WDR72: variants seen among roughly 807,000 people sequenced by gnomAD.
WDR72 encodes the protein WD repeat-containing protein 72.
WDR72 carries 120 observed loss-of-function variants against 124.2 expected under a neutral mutation model. The ratio of observed to expected loss-of-function variants is 0.97; its 90% confidence interval spans 0.83 to 1.12. The LOEUF (loss-of-function observed/expected upper bound fraction) is 1.12, where lower values mean the gene tolerates loss of function less well. Ranked by LOEUF, WDR72 falls within the 50% of genes most tolerant of loss-of-function variation. The pLI is 0.00. For missense variants in WDR72, 1,387 were observed against 1,278.8 expected (o/e 1.08, Z -1.29); for synonymous variants, 452 against 441.7 (o/e 1.02, Z -0.29).
At chr15:53,599,090 C>A (rs1035882236) in intron 17 of WDR72, among the ~76,000 whole-genome samples, 3 of 151,946 alleles carry the variant, frequency 2.0e-5, no homozygotes, top group African/African-American at 7.3e-5. Flanking sequence ...CACCCCTGCA[C>A]TCCGGCCTGG....
intron 14 of WDR72, among the ~76,000 whole-genome samples, chr15:53,630,404 C>G (rs1174842320): frequency 6.6e-6 from 1 of 152,048 alleles, no homozygotes; most frequent in Admixed American, 6.5e-5. Flanking sequence ...ACAGAGATAT[C>G]ACAAGATAAG....
rs578220912 is a variant in WDR72 at position 53,667,144 on chromosome 15, T to G, written c.1766-1376A>C. 1.1e-4 allele frequency among the ~76,000 whole-genome samples: 16 copies of G among 152,082 alleles called. No homozygotes were observed. The South Asian group carries it at 3.1e-3, about 30-fold the overall frequency. On this transcript the variant is annotated intron_variant, in intron 13 of 19. Transcript: ENST00000360509. ...AGGTGGGCAGACTGCCTGAGTCCAG[T>G]AGTTTGAAACCAGCCTGGGCAACAT...
At chr15:53,683,714 C>T (rs2016484351) in intron 13 of WDR72, among the ~76,000 whole-genome samples, 1 of 151,764 alleles carries the variant, frequency 6.6e-6, no homozygotes, top group Non-Finnish European at 1.5e-5. Context: ...AAGAACCACA[C>T]AGGAGAGAGA....
At chr15:53,740,511 T>C (rs2140878607) in intron 1 of WDR72, among the ~76,000 whole-genome samples, 1 of 152,212 alleles carries the variant, frequency 6.6e-6, no homozygotes, top group South Asian at 2.1e-4. Flanking sequence ...GGTTTCACCG[T>C]GGTCTCAATC....
chr15:53,528,386 C>T (rs972242944), intron 18 of WDR72, among the ~76,000 whole-genome samples: 5 of 151,992 alleles, frequency 3.3e-5, no homozygotes, highest in African/African-American at 1.2e-4. Context: ...TGTAGAAATG[C>T]CCCCAATTAA....
At chr15:53,759,072 G>GT (rs1338314530) in intron 1 of WDR72, among the ~76,000 whole-genome samples, 2 of 152,108 alleles carry the variant, frequency 1.3e-5, no homozygotes, top group Non-Finnish European at 2.9e-5. Flanking sequence ...AGCAAGGAAA[G>GT]TTTCGCCAGC....
At chr15:53,689,786 A>G (rs2016774929) in intron 13 of WDR72, among the ~76,000 whole-genome samples, 1 of 152,070 alleles carries the variant, frequency 6.6e-6, no homozygotes, top group African/African-American at 2.4e-5. Flanking sequence ...TTGCGGCATT[A>G]TTCACAATAG....
At chr15:53,641,649 C>T (rs947967038) in intron 14 of WDR72, among the ~76,000 whole-genome samples, 3 of 151,728 alleles carry the variant, frequency 2.0e-5, no homozygotes, top group African/African-American at 7.3e-5. Flanking sequence ...ATTTTTGTGT[C>T]TTTTAGTAAT....
chr15:53,574,161 A>C (rs1894669785), intron 18 of WDR72, among the ~76,000 whole-genome samples: 2 of 152,338 alleles, frequency 1.3e-5, no homozygotes, highest in South Asian at 4.1e-4. Context: ...CCTTCCAAAG[A>C]CATTTTAAGT....
rs76470569 is a variant in WDR72 at position 53,560,389 on chromosome 15, A to T, written c.3148+36690T>A. On this transcript the variant is annotated intron_variant, in intron 18 of 19. Coordinates refer to ENST00000360509, the MANE Select transcript of WDR72 (RefSeq NM_182758.4). The stretch of plus-strand genomic sequence containing the variant: ...TAAAGGACAGAATACCGCACTGGTT[A>T]GAAGCTCAGATTCTTTACTTGTCCT... 5.5e-3 allele frequency among the ~76,000 whole-genome samples: 842 copies of T among 152,032 alleles called. 5 individuals are homozygous for T. The highest frequency in any genetic ancestry group is 8.1e-3 in the Non-Finnish European group (549 of 67,898).
At chr15:53,642,598 A>G (rs2014895217) in intron 14 of WDR72, among the ~76,000 whole-genome samples, 1 of 151,972 alleles carries the variant, frequency 6.6e-6, no homozygotes, top group Admixed American at 6.6e-5. Context: ...TCAAGCATTC[A>G]CTTCCTAAAA....
At chr15:53,718,781 A>T (rs551500815) in intron 3 of WDR72, among the ~76,000 whole-genome samples, 2,872 of 84,494 alleles carry the variant, frequency 0.034, 43 homozygotes, top group Non-Finnish European at 0.061. Context: ...AATTTTAAAA[A>T]TCTTAAGATT....
At chr15:53,757,918 A>T (rs1033733507) in intron 1 of WDR72, among the ~76,000 whole-genome samples, 2 of 152,098 alleles carry the variant, frequency 1.3e-5, no homozygotes, top group African/African-American at 4.8e-5. Context: ...CATTCAGTTC[A>T]TTGGGTAGAG....
rs139293081 is a variant in WDR72 at position 53,738,007 on chromosome 15, G to A, written c.-12-4846C>T. 7.7e-3 allele frequency among the ~76,000 whole-genome samples: 1,176 copies of A among 152,156 alleles called. 14 individuals are homozygous for A. The highest frequency in any genetic ancestry group is 0.027 in the African/African-American group (1,105 of 41,504). Reference sequence around the variant, plus strand: ...TGAAATTGCCTCCTTCCCCACTCCTGTAACATATGCATAACACAAAAGTTT... The same window carrying A: ...TGAAATTGCCTCCTTCCCCACTCCTATAACATATGCATAACACAAAAGTTT... On this transcript the variant is annotated intron_variant, in intron 1 of 19. Coordinates refer to ENST00000360509, the MANE Select transcript of WDR72 (RefSeq NM_182758.4).
intron 13 of WDR72, among the ~76,000 whole-genome samples, chr15:53,681,879 TG>T (rs1381063802): frequency 6.6e-6 from 1 of 151,246 alleles, no homozygotes; most frequent in Non-Finnish European, 1.5e-5. Context: ...GTGTGTCACT[TG>T]AAAAAAAAAG....
intron 18 of WDR72, among the ~76,000 whole-genome samples, chr15:53,580,951 T>C: frequency 2.1e-5 from 1 of 47,730 alleles, no homozygotes; most frequent in East Asian, 3.7e-4. Flanking sequence ...TTTTAAAAGA[T>C]AGTTATAATT....
chr15:53,733,940 A>T (rs573832596), intron 1 of WDR72, among the ~76,000 whole-genome samples: 1 of 152,158 alleles, frequency 6.6e-6, no homozygotes, highest in Non-Finnish European at 1.5e-5. Context: ...TTTGGGAGAC[A>T]ATTTAGCATT....
intron 13 of WDR72, among the ~76,000 whole-genome samples, chr15:53,681,851 A>T (rs1381343238): frequency 2.6e-5 from 4 of 152,128 alleles, no homozygotes; most frequent in Non-Finnish European, 5.9e-5. Flanking sequence ...ACACACACAC[A>T]TCCACAAATA....
intron 5 of WDR72, 51 bp from the exon 6 acceptor site, chr15:53,714,561 T>A: frequency 7.1e-7 from 1 of 1,414,952 alleles, no homozygotes; most frequent in Non-Finnish European, 1.0e-6. Context: ...TATAATTGGG[T>A]AGGTAAAAAT....
Sources: gnomAD v4.1 joint callset for allele counts (sites outside exome capture counted in the v4.1 genomes callset) on GRCh38, gnomAD v4.1.1 for gene constraint, MANE v1.5 for transcripts, NCBI Gene and HGNC (gene_info 2026-07-23, HGNC 2026-07-21) for gene names.